ROBO1: variants seen among roughly 807,000 people sequenced by gnomAD.
The protein encoded by ROBO1 is roundabout guidance receptor 1.
ROBO1 carries 149 observed loss-of-function variants against 195.9 expected under a neutral mutation model. The ratio of observed to expected loss-of-function variants is 0.76; its 90% CI spans 0.67 to 0.87. The LOEUF (loss-of-function observed/expected upper bound fraction) is 0.87, where lower values mean the gene tolerates loss of function less well. ROBO1 is among the 40% of genes least tolerant of loss of function. The probability of loss-of-function intolerance (pLI) is 0.00; values close to 1 mark genes in which losing one functional copy is unlikely to be tolerated. For synonymous variants in ROBO1, 816 were observed against 733.2 expected (o/e 1.11, Z -1.82); for missense variants, 1,933 against 2,068.3 (o/e 0.93, Z 1.27).
intron 2 of ROBO1, among the ~76,000 whole-genome samples, chr3:79,203,839 A>G (rs2081813883): frequency 6.6e-6 from 1 of 152,124 alleles, no homozygotes; most frequent in African/African-American, 2.4e-5. Flanking sequence ...CGGTGGTGTG[A>G]AGCCCATCTT....
At chr3:78,951,979 A>C (rs1433377600) in intron 3 of ROBO1, among the ~76,000 whole-genome samples, 1 of 151,822 alleles carries the variant, frequency 6.6e-6, no homozygotes, top group Admixed American at 6.6e-5. Context: ...AATTATATAT[A>C]TAATTTTATT....
intron 14 of ROBO1, among the ~76,000 whole-genome samples, chr3:78,662,532 G>T (rs1404167462): frequency 2.0e-5 from 3 of 152,110 alleles, no homozygotes; most frequent in African/African-American, 7.2e-5. Context: ...GTAGCAGAGT[G>T]GCTAAGCAAT....
intron 1 of ROBO1, among the ~76,000 whole-genome samples, chr3:79,680,546 G>T (rs2106968236): frequency 6.6e-6 from 1 of 152,046 alleles, no homozygotes; most frequent in Admixed American, 6.6e-5. Context: ...TTTGATTGTT[G>T]GTCAACATAA....
chr3:79,263,494 T>A (rs983045678), intron 2 of ROBO1, among the ~76,000 whole-genome samples: 26 of 151,666 alleles, frequency 1.7e-4, no homozygotes, highest in Non-Finnish European at 2.8e-4. Flanking sequence ...ACAAAAAAAA[T>A]TAAAAAATAA....
chr3:78,889,417 T>A (rs2036753107), intron 4 of ROBO1, among the ~76,000 whole-genome samples: 2 of 152,186 alleles, frequency 1.3e-5, no homozygotes, highest in African/African-American at 4.8e-5. Context: ...CCAACTTGAC[T>A]TTTTTAGAGA....
chr3:79,578,512 T>C (rs1008054686), intron 2 of ROBO1, among the ~76,000 whole-genome samples: 1 of 152,160 alleles, frequency 6.6e-6, no homozygotes, highest in African/African-American at 2.4e-5. Flanking sequence ...CCTGTCTGTA[T>C]ATAATTATGT....
At chr3:79,208,107 T>C (rs2081905121) in intron 2 of ROBO1, among the ~76,000 whole-genome samples, 1 of 152,204 alleles carries the variant, frequency 6.6e-6, no homozygotes, top group African/African-American at 2.4e-5. Context: ...TTCTGGAGTT[T>C]GAATATGGTT....
chr3:78,852,797 T>C (rs1209565599), intron 4 of ROBO1, among the ~76,000 whole-genome samples: 1 of 152,156 alleles, frequency 6.6e-6, no homozygotes, highest in Non-Finnish European at 1.5e-5. Flanking sequence ...TCATAATAAC[T>C]GTGTGACAAA....
intron 1 of ROBO1, among the ~76,000 whole-genome samples, chr3:79,753,183 C>T (rs1415797694): frequency 3.9e-5 from 6 of 152,090 alleles, no homozygotes; most frequent in African/African-American, 9.7e-5. Flanking sequence ...CTCAACTTTG[C>T]TGCTTATTCA....
At chr3:78,960,828 A>T (rs2041304666) in intron 3 of ROBO1, among the ~76,000 whole-genome samples, 1 of 148,064 alleles carries the variant, frequency 6.8e-6, no homozygotes, top group Admixed American at 6.8e-5. Context: ...ACACACACAC[A>T]CACACAAAAT....
At chr3:79,334,311 A>AT (rs1553721942) in intron 2 of ROBO1, among the ~76,000 whole-genome samples, 11,235 of 131,504 alleles carry the variant, frequency 0.085, 544 homozygotes, top group African/African-American at 0.12. Context: ...AAAAAAAAAA[A>AT]ATATATATAT....
intron 2 of ROBO1, among the ~76,000 whole-genome samples, chr3:79,150,786 G>T (rs2080751843): frequency 6.6e-6 from 1 of 151,648 alleles, no homozygotes; most frequent in Non-Finnish European, 1.5e-5. Context: ...TCCATAAAAG[G>T]ATATCTTGAC....
intron 2 of ROBO1, among the ~76,000 whole-genome samples, chr3:79,468,020 C>A (rs952978064): frequency 2.0e-5 from 3 of 152,200 alleles, no homozygotes; most frequent in East Asian, 1.9e-4. Flanking sequence ...CTGTAATATA[C>A]CGCCTACTGT....
chr3:79,487,958 T>C (rs1238753037), intron 2 of ROBO1, among the ~76,000 whole-genome samples: 1 of 152,124 alleles, frequency 6.6e-6, no homozygotes, highest in Non-Finnish European at 1.5e-5. Flanking sequence ...ATTATGAAGA[T>C]ATTAAAAAGT....
intron 2 of ROBO1, among the ~76,000 whole-genome samples, chr3:79,228,105 T>C (rs1302643559): frequency 5.3e-5 from 8 of 152,152 alleles, no homozygotes; most frequent in Non-Finnish European, 1.0e-4. Context: ...TCTCAACTAA[T>C]TCATTTGTAC....
chr3:79,323,270 C>T (rs186062329), intron 2 of ROBO1, among the ~76,000 whole-genome samples: 6 of 151,950 alleles, frequency 3.9e-5, no homozygotes, highest in African/African-American at 1.2e-4. Flanking sequence ...TTAGTAGAGA[C>T]GGGGTTTCAT....
chr3:79,495,840 T>A (rs1298282923), intron 2 of ROBO1, among the ~76,000 whole-genome samples: 1 of 152,150 alleles, frequency 6.6e-6, no homozygotes, highest in Admixed American at 6.5e-5. Flanking sequence ...TTCGCTAACA[T>A]CAATACCTCA....
At chr3:79,698,610 GA>G (rs1947516259) in intron 1 of ROBO1, among the ~76,000 whole-genome samples, 1 of 151,222 alleles carries the variant, frequency 6.6e-6, no homozygotes, top group African/African-American at 2.4e-5. Context: ...TTTCCCTCCT[GA>G]ATTATTTTCC....
chr3:79,735,887 CAAAA>C (rs5850448), intron 1 of ROBO1, among the ~76,000 whole-genome samples: 1 of 143,726 alleles, frequency 7.0e-6, no homozygotes, highest in Admixed American at 6.9e-5. Context: ...AAAAAAAAAA[CAAAA>C]AAAAAACAAA....
Sources: allele counts gnomAD v4.1 joint callset (sites outside exome capture counted in the v4.1 genomes callset), GRCh38; gene constraint gnomAD v4.1.1; transcripts MANE v1.5; gene names NCBI Gene and HGNC (gene_info 2026-07-23, HGNC 2026-07-21).